The following EXOC2 variants were observed in gnomAD, a reference collection of about 807,000 sequenced individuals.
EXOC2 encodes the protein SEC5-like 1.
Under a neutral mutation model 131.8 loss-of-function variants are expected in EXOC2, and 70 were observed. The ratio of observed to expected loss-of-function variants is 0.53; its 90% confidence interval spans 0.44 to 0.65. The LOEUF (loss-of-function observed/expected upper bound fraction) is 0.65. Among genes scored for constraint, EXOC2 ranks in the 30% least tolerant of loss-of-function variants. The pLI, the probability that EXOC2 is intolerant of heterozygous loss-of-function variation, is 0.00. For missense variants in EXOC2, 923 were observed against 1,108.6 expected (o/e 0.83, Z 2.38); for synonymous variants, 411 against 398.4 (o/e 1.03, Z -0.38).
At chr6:623,270 C>A (rs997771391) in intron 4 of EXOC2, among the ~76,000 whole-genome samples, 9 of 152,230 alleles carry the variant, frequency 5.9e-5, no homozygotes, top group Non-Finnish European at 1.0e-4. Context: ...CCCCACCCAC[C>A]CGCCAGCACC....
intron 2 of EXOC2, 133 bp from the exon 3 acceptor site, chr6:633,250 A>G: frequency 2.1e-6 from 2 of 940,922 alleles, no homozygotes; most frequent in Non-Finnish European, 3.1e-6. Flanking sequence ...TTATTTGCAG[A>G]TATACTGTTA....
intron 1 of EXOC2, among the ~76,000 whole-genome samples, chr6:682,390 C>T (rs1764450994): frequency 6.6e-6 from 1 of 151,930 alleles, no homozygotes; most frequent in Non-Finnish European, 1.5e-5. Context: ...TTAGTAGAGA[C>T]AGGGTTTCTC....
chr6:607,921 C>T (rs1760507298), intron 7 of EXOC2, among the ~76,000 whole-genome samples: 1 of 152,076 alleles, frequency 6.6e-6, no homozygotes, highest in Admixed American at 6.5e-5. Flanking sequence ...ACCTAAGTTT[C>T]CTGCAGCCAA....
intron 10 of EXOC2, among the ~76,000 whole-genome samples, chr6:593,616 A>G (rs1338382988): frequency 1.3e-5 from 2 of 152,268 alleles, no homozygotes; most frequent in East Asian, 1.9e-4. Context: ...AAATATATAA[A>G]TATAGCAAGC....
At chr6:674,533 CA>C (rs1228629557) in intron 1 of EXOC2, among the ~76,000 whole-genome samples, 1 of 152,034 alleles carries the variant, frequency 6.6e-6, no homozygotes, top group African/African-American at 2.4e-5. Context: ...ACAATAATTT[CA>C]AAAATTGCTG....
intron 1 of EXOC2, among the ~76,000 whole-genome samples, chr6:671,910 T>TTTTA (rs910188814): frequency 1.3e-5 from 2 of 152,102 alleles, no homozygotes; most frequent in East Asian, 1.9e-4. Context: ...ATTTTTTATT[T>TTTTA]TTTATTTATT....
chr6:605,538 C>T (rs1002749268), intron 7 of EXOC2, among the ~76,000 whole-genome samples: 12 of 152,088 alleles, frequency 7.9e-5, no homozygotes, highest in African/African-American at 9.7e-5. Context: ...TCTGTGGGAT[C>T]GGTGGTGATA....
intron 24 of EXOC2, among the ~76,000 whole-genome samples, chr6:498,604 C>T (rs555268929): frequency 1.3e-5 from 2 of 152,200 alleles, no homozygotes; most frequent in South Asian, 2.1e-4. Flanking sequence ...GAAACTGTAA[C>T]GTTCTATAGT....
intron 25 of EXOC2, among the ~76,000 whole-genome samples, chr6:492,509 C>T (rs530550542): frequency 1.9e-4 from 29 of 152,220 alleles, no homozygotes; most frequent in African/African-American, 7.0e-4. Flanking sequence ...CCACAAATGC[C>T]CATCAGCTGA....
At chr6:670,401 G>GTCACAGCAAGAAATGGACCAA (rs1763811188) in intron 1 of EXOC2, 1 of 152,084 alleles carries the variant, frequency 6.6e-6, no homozygotes, top group Non-Finnish European at 1.5e-5. Flanking sequence ...TCCTACTGAG[G>GTCACAGCAAGAAATGGACCAA]TCACAGCAAG....
At chr6:508,223 T>C (rs1004049507) in intron 23 of EXOC2, among the ~76,000 whole-genome samples, 1 of 152,138 alleles carries the variant, frequency 6.6e-6, no homozygotes, top group Non-Finnish European at 1.5e-5. Context: ...CGCCACCACA[T>C]ACACACGGCC....
chr6:587,659 T>C (rs1189157927), intron 11 of EXOC2, among the ~76,000 whole-genome samples: 2 of 152,234 alleles, frequency 1.3e-5, no homozygotes, highest in South Asian at 2.1e-4. Flanking sequence ...ATTTCACTAA[T>C]GGCGAATCCT....
intron 17 of EXOC2, among the ~76,000 whole-genome samples, chr6:557,430 C>T (rs1367958037): frequency 1.3e-5 from 2 of 151,862 alleles, no homozygotes; most frequent in South Asian, 2.1e-4. Context: ...CCGTCCTGGC[C>T]AACATGGTGA....
At chr6:663,155 C>A (rs1030059639) in intron 1 of EXOC2, among the ~76,000 whole-genome samples, 1 of 152,126 alleles carries the variant, frequency 6.6e-6, no homozygotes, top group African/African-American at 2.4e-5. Flanking sequence ...TCCCTCAAGG[C>A]TAATATGAAC....
intron 23 of EXOC2, among the ~76,000 whole-genome samples, chr6:529,380 G>A (rs955381321): frequency 1.4e-5 from 2 of 144,726 alleles, no homozygotes; most frequent in Non-Finnish European, 3.1e-5. Context: ...GTTAACGGAG[G>A]CAGCAGGTCT....
At chr6:598,755 T>A (rs749558375) in intron 9 of EXOC2, 105 bp downstream of exon 9, 1 of 862,104 alleles carries the variant, frequency 1.2e-6, no homozygotes, top group Non-Finnish European at 1.8e-6. Context: ...GAGAGCCTCA[T>A]ATAAACAAAA....
intron 23 of EXOC2, among the ~76,000 whole-genome samples, chr6:500,003 G>T (rs997827139): frequency 2.0e-5 from 3 of 150,438 alleles, no homozygotes; most frequent in Non-Finnish European, 3.0e-5. Flanking sequence ...GTTTCTTCAC[G>T]CACACACACA....
intron 7 of EXOC2, among the ~76,000 whole-genome samples, chr6:607,438 C>T (rs991747270): frequency 1.3e-5 from 2 of 152,178 alleles, no homozygotes; most frequent in Non-Finnish European, 2.9e-5. Flanking sequence ...TAGATAGTTT[C>T]GAGCAACACC....
At chr6:585,343 A>G (rs1247037144) in intron 11 of EXOC2, among the ~76,000 whole-genome samples, 1 of 152,232 alleles carries the variant, frequency 6.6e-6, no homozygotes, top group Non-Finnish European at 1.5e-5. Flanking sequence ...GTTTGGGGGT[A>G]AAGGACCAGG....
Sources: allele counts gnomAD v4.1 joint callset (sites outside exome capture counted in the v4.1 genomes callset), GRCh38; gene constraint gnomAD v4.1.1; transcripts MANE v1.5; gene names NCBI Gene and HGNC (gene_info 2026-07-23, HGNC 2026-07-21).